Variants in SENP2 observed in about 807,000 individuals in gnomAD.
The protein encoded by SENP2 is sentrin-specific protease 2.
In SENP2, 16 loss-of-function variants were observed where a neutral mutation model predicts 86.3. That is an observed-to-expected ratio of 0.19 (90% CI 0.13 to 0.28). SENP2 has a LOEUF of 0.28. Among genes scored for constraint, SENP2 ranks in the 10% least tolerant of loss-of-function variants. SENP2 has a pLI of 1.00. For synonymous variants in SENP2, 222 were observed against 238.7 expected, an observed-to-expected ratio of 0.93 and a Z score of 0.64; for missense variants, 552 against 703.0, an observed-to-expected ratio of 0.79 and a Z score of 2.43.
At chr3:185,596,368 T>C (rs1398241912) in intron 2 of SENP2, among the ~76,000 whole-genome samples, 4 of 152,034 alleles carry the variant, frequency 2.6e-5, no homozygotes, top group Non-Finnish European at 5.9e-5. Context: ...ACCTGTAATC[T>C]CAGCACTTTG....
At chr3:185,590,220 A>G (rs777389876) in intron 2 of SENP2, 51 bp downstream of exon 2, 2 of 954,654 alleles carry the variant, frequency 2.1e-6, no homozygotes, top group South Asian at 3.4e-5. Context: ...GGAAAAATAT[A>G]TGCATGGAAC....
At chr3:185,626,431 A>T in intron 16 of SENP2, 38 bp downstream of exon 16, 1 of 1,415,182 alleles carries the variant, frequency 7.1e-7, no homozygotes, top group Non-Finnish European at 1.0e-6. Flanking sequence ...ACTTGTTACT[A>T]AGCAAGATAA....
In SENP2 at chr3:185,630,524, A is replaced by G. The variant is rs1712411645; in HGVS notation, c.*680A>G. The G allele has an allele frequency of 6.5e-6, 1 of 153,318 alleles. No individual in the cohort carries two copies. Among genetic ancestry groups the G allele is most frequent in the African/African-American group, 2.4e-5 (1 of 41,452 alleles). The allele number at this position is 153,318 out of a possible 1,614,324, so 9.5% of individuals were successfully genotyped here. On this transcript the variant is annotated 3_prime_UTR_variant, in exon 17 of 17. Coordinates refer to ENST00000296257, the MANE Select transcript of SENP2 (RefSeq NM_021627.3). ...AAGTCTGACACTACAGCGTTGGCACAGTGCCGTGAACAGTGGAACTGTGCC... is the reference window on the plus strand; with the variant it reads ...AAGTCTGACACTACAGCGTTGGCACGGTGCCGTGAACAGTGGAACTGTGCC...
intron 7 of SENP2, 108 bp from the exon 8 acceptor site, chr3:185,611,540 ATAG>A: frequency 1.6e-6 from 1 of 620,298 alleles, no homozygotes; most frequent in Non-Finnish European, 2.9e-6. Flanking sequence ...ATTTGATATA[ATAG>A]TGTAATCAAT....
At chr3:185,604,906 C>A (rs1289805275) in intron 5 of SENP2, among the ~76,000 whole-genome samples, 2 of 151,522 alleles carry the variant, frequency 1.3e-5, no homozygotes, top group African/African-American at 4.8e-5. Context: ...CAGGCATGCA[C>A]CACCACGCCC....
At chr3:185,612,573 G>A in intron 8 of SENP2, 34 bp from the exon 9 acceptor site, 2 of 1,488,656 alleles carry the variant, frequency 1.3e-6, no homozygotes, top group South Asian at 1.1e-5. Context: ...ATCGATGAAG[G>A]AAACATTTAA....
At chr3:185,592,011 C>CTTTTTTTTTTTTTT (rs149268515) in intron 2 of SENP2, among the ~76,000 whole-genome samples, 1,335 of 65,742 alleles carry the variant, frequency 0.02, 329 homozygotes, top group Non-Finnish European at 0.026. Context: ...GGTAATATTT[C>CTTTTTTTTTTTTTT]TTTTTTTTTT....
intron 6 of SENP2, among the ~76,000 whole-genome samples, chr3:185,607,436 C>G (rs1293516908): frequency 7.1e-6 from 1 of 140,298 alleles, no homozygotes; most frequent in African/African-American, 2.6e-5. Context: ...TCAAGTGATT[C>G]TCCTGCCTCA....
chr3:185,590,096 TTTC>T lies in SENP2; in HGVS notation c.102-15_102-13del. On this transcript the variant is annotated splice_polypyrimidine_tract_variant and intron_variant, in intron 1 of 16. Coordinates refer to ENST00000296257, the MANE Select transcript of SENP2 (RefSeq NM_021627.3). Reference sequence around the variant, plus strand: ...GTGTAAATCTATATATATATATTTTTTTCTTTCTCTTTTTCAGCACTCTGTTTT... The same window carrying T: ...GTGTAAATCTATATATATATATTTTTTTTCTCTTTTTCAGCACTCTGTTTT... The T allele has an allele frequency of 7.0e-7, 1 of 1,436,060 alleles. No individual in the cohort carries two copies. Among genetic ancestry groups the T allele is most frequent in the Non-Finnish European group, 9.4e-7 (1 of 1,062,774 alleles). The allele number at this position is 1,436,060 out of a possible 1,614,324, so 89.0% of individuals were successfully genotyped here. A position where few individuals can be genotyped will look rare whatever the true frequency, so the allele number is the denominator to read the frequency against.
intron 6 of SENP2, 71 bp from the exon 7 acceptor site, chr3:185,609,176 G>A (rs931404064): frequency 1.6e-5 from 16 of 982,832 alleles, no homozygotes; most frequent in Middle Eastern, 2.1e-4. Context: ...ACACACCTAT[G>A]GTTTACATTT....
chr3:185,618,731 T>C (rs1711719336), intron 12 of SENP2, among the ~76,000 whole-genome samples: 1 of 151,794 alleles, frequency 6.6e-6, no homozygotes, highest in Admixed American at 6.6e-5. Context: ...ACAAAAAAAT[T>C]AGCCAGGCAT....
At chr3:185,609,177 G>T in intron 6 of SENP2, 70 bp from the exon 7 acceptor site, 2 of 1,002,636 alleles carry the variant, frequency 2.0e-6, no homozygotes, top group Non-Finnish European at 1.5e-6. Context: ...CACACCTATG[G>T]TTTACATTTG....
chr3:185,607,659 T>C (rs1459238259), intron 6 of SENP2, among the ~76,000 whole-genome samples: 1 of 151,958 alleles, frequency 6.6e-6, no homozygotes, highest in Non-Finnish European at 1.5e-5. Flanking sequence ...GTACCTGAAT[T>C]AGTCTAACTT....
At chr3:185,594,444 G>A (rs1004743875) in intron 2 of SENP2, among the ~76,000 whole-genome samples, 3 of 152,112 alleles carry the variant, frequency 2.0e-5, no homozygotes, top group Non-Finnish European at 2.9e-5. Flanking sequence ...TAGTTCAACT[G>A]AGGAACTGAA....
chr3:185,598,612 T>C, intron 3 of SENP2, 67 bp downstream of exon 3: 4 of 1,497,126 alleles, frequency 2.7e-6, no homozygotes, highest in Non-Finnish European at 3.6e-6. Context: ...TTTAGAAAAT[T>C]CTCTCTTCGA....
chr3:185,625,060 G>A (rs1712077415), intron 15 of SENP2, among the ~76,000 whole-genome samples: 2 of 152,070 alleles, frequency 1.3e-5, no homozygotes, highest in East Asian at 1.9e-4. Context: ...TGCTAGGCTT[G>A]AGAGAAAAGT....
At chr3:185,590,858 A>G (rs149759411) in intron 2 of SENP2, among the ~76,000 whole-genome samples, 2,567 of 85,524 alleles carry the variant, frequency 0.03, 54 homozygotes, top group Non-Finnish European at 0.04. Context: ...ACAGAGCGAC[A>G]CTCCATCTCA....
chr3:185,623,891 G>A, intron 14 of SENP2, 107 bp from the exon 15 acceptor site: 1 of 475,218 alleles, frequency 2.1e-6, no homozygotes, highest in Non-Finnish European at 3.6e-6. Context: ...AATGAATATG[G>A]ATTTGAGAAT....
chr3:185,617,639 C>T (rs1441032908), intron 12 of SENP2, 28 bp downstream of exon 12: 1 of 1,602,852 alleles, frequency 6.2e-7, no homozygotes, highest in Non-Finnish European at 8.5e-7. Flanking sequence ...CCCCTTTTGG[C>T]TATCATTAAG....
Sources: allele counts gnomAD v4.1 joint callset (sites outside exome capture counted in the v4.1 genomes callset), GRCh38; gene constraint gnomAD v4.1.1; transcripts MANE v1.5; gene names NCBI Gene and HGNC (gene_info 2026-07-23, HGNC 2026-07-21).